The following CDYL variants were observed in gnomAD, a reference collection of about 807,000 sequenced individuals.
CDYL encodes chromodomain Y like.
In CDYL, 8 loss-of-function variants were observed where a neutral mutation model predicts 47.3. The ratio of observed to expected loss-of-function variants is 0.17; its 90% CI spans 0.10 to 0.31. The LOEUF (loss-of-function observed/expected upper bound fraction) is 0.31. Among genes scored for constraint, CDYL ranks in the 10% least tolerant of loss-of-function variants. The pLI is 1.00. For missense variants in CDYL, 471 were observed against 701.4 expected, an observed-to-expected ratio of 0.67 and a Z score of 3.71; for synonymous variants, 266 against 265.0, an observed-to-expected ratio of 1.00 and a Z score of -0.04.
chr6:4,773,109 T>C (rs148548907), upstream of CDYL: 474 of 457,370 alleles, frequency 1.0e-3, 3 homozygotes, highest in African/African-American at 8.4e-3. This position sits in a 1 kb window ranked among gnomAD's most constrained non-coding sequence, Gnocchi z 4.6. Flanking sequence ...TTGCCATCGA[T>C]GATCAATTGT....
rs1179836787 is a variant in CDYL at position 4,955,477 on chromosome 6, T to A, written c.*1421T>A. ...AACTATATATAAACTGTACAATCTG[T>A]AAAGTTTTTATAGAATAAATATTCA... On this transcript the variant is annotated 3_prime_UTR_variant, in exon 7 of 7. Coordinates refer to ENST00000397588, the MANE Select transcript of CDYL (RefSeq NM_004824.4). 1 of 152,692 alleles carries A rather than the reference T, an allele frequency of 6.5e-6. No homozygotes were observed. Among genetic ancestry groups the A allele is most frequent in the Non-Finnish European group, 1.5e-5 (1 of 68,052 alleles). The allele number at this position is 152,692 out of a possible 1,614,324, so 9.5% of individuals were successfully genotyped here. A position where few individuals can be genotyped will look rare whatever the true frequency, so the allele number is the denominator to read the frequency against.
intron 3 of CDYL, among the ~76,000 whole-genome samples, chr6:4,752,912 A>ATGTAGGTAGGTAGG (rs1561836823): frequency 3.3e-5 from 5 of 149,546 alleles, no homozygotes; most frequent in East Asian, 1.9e-4. Flanking sequence ...AGGTAGGTAG[A>ATGTAGGTAGGTAGG]TAGATAGATA....
intron 1 of CDYL, among the ~76,000 whole-genome samples, chr6:4,708,968 C>CAA (rs1161454911): frequency 1.3e-5 from 2 of 152,014 alleles, no homozygotes; most frequent in Non-Finnish European, 2.9e-5. Context: ...GATCATGTCA[C>CAA]TGCACTCCAG....
chr6:4,836,864 T>A (rs7771142), intron 1 of CDYL, among the ~76,000 whole-genome samples: 7,346 of 152,164 alleles, frequency 0.048, 579 homozygotes, highest in African/African-American at 0.17. Context: ...TTGCGCCTGG[T>A]TACAGAATTG....
intron 1 of CDYL, among the ~76,000 whole-genome samples, chr6:4,842,773 A>G (rs1293422874): frequency 6.6e-6 from 1 of 152,118 alleles, no homozygotes; most frequent in Admixed American, 6.6e-5. Flanking sequence ...GCTAGGTATT[A>G]TTCTATTCAT....
At chr6:4,947,359 G>C (rs1209504177) in intron 5 of CDYL, among the ~76,000 whole-genome samples, 1 of 152,090 alleles carries the variant, frequency 6.6e-6, no homozygotes, top group Non-Finnish European at 1.5e-5. Flanking sequence ...CAAGTTCTAG[G>C]GTACCTCCCC....
chr6:4,878,306 AT>A (rs919652066), intron 1 of CDYL, among the ~76,000 whole-genome samples: 4 of 151,532 alleles, frequency 2.6e-5, no homozygotes, highest in Admixed American at 6.6e-5. Flanking sequence ...TAAAATTGGT[AT>A]TTTTTTTCCT....
At position 4,890,262 on chromosome 6, in the gene CDYL, T is replaced by A. The variant is rs1033784856; in HGVS notation, c.25-1451T>A. The A allele has an allele frequency of 5.0e-5, 31 of 620,524 alleles. No homozygotes were observed. In the Admixed American group the frequency reaches 8.8e-4, roughly 18 times the overall value. 38.4% of individuals were successfully genotyped at this position (620,524 alleles called of 1,614,324 possible). A position where few individuals can be genotyped will look rare whatever the true frequency, so the allele number is the denominator to read the frequency against. Reference sequence around the variant, plus strand: ...CTATGTGGACTTTTCCAGAAATATGTCTTTTACTTAAATTGAAATACACCC... The same window carrying A: ...CTATGTGGACTTTTCCAGAAATATGACTTTTACTTAAATTGAAATACACCC... On this transcript the variant is annotated intron_variant, in intron 1 of 6. Transcript: ENST00000397588.
chr6:4,749,797 A>G (rs1291815429), intron 3 of CDYL, among the ~76,000 whole-genome samples: 1 of 152,252 alleles, frequency 6.6e-6, no homozygotes, highest in Non-Finnish European at 1.5e-5. Context: ...TCTTGCAGAT[A>G]AGCTGTAAGT....
At chr6:4,897,998 C>G (rs1762336511) in intron 2 of CDYL, among the ~76,000 whole-genome samples, 1 of 151,606 alleles carries the variant, frequency 6.6e-6, no homozygotes, top group Admixed American at 6.6e-5. Flanking sequence ...CAAGAGGTTG[C>G]TGTGAGCCGA....
Position 4,952,427 on chromosome 6 carries a change from T to C in CDYL, c.1476+18T>C, listed in dbSNP as rs765184857. ...ATCCAGTTGTATGTCTAATTGCTTCTGTTACACGTTACTTTTTAAAAAATA... is the reference window on the plus strand; with the variant it reads ...ATCCAGTTGTATGTCTAATTGCTTCCGTTACACGTTACTTTTTAAAAAATA... On this transcript the variant is annotated intron_variant, in intron 6 of 6. Coordinates refer to ENST00000397588, the MANE Select transcript of CDYL (RefSeq NM_004824.4). 1 of 1,588,196 alleles carries C rather than the reference T, an allele frequency of 6.3e-7. No homozygotes were observed. The highest frequency in any genetic ancestry group is 1.1e-5 in the South Asian group (1 of 86,990).
intron 1 of CDYL, among the ~76,000 whole-genome samples, chr6:4,828,567 C>T (rs1316934517): frequency 6.6e-6 from 1 of 152,026 alleles, no homozygotes; most frequent in East Asian, 1.9e-4. Flanking sequence ...CTTTTGCTTC[C>T]AATAGTTTGA....
chr6:4,706,747 C>T (rs933043467), intron 1 of CDYL, among the ~76,000 whole-genome samples: 1 of 152,114 alleles, frequency 6.6e-6, no homozygotes, highest in South Asian at 2.1e-4. Context: ...CGAGATGGCA[C>T]CACTGCACTC....
intron 5 of CDYL, among the ~76,000 whole-genome samples, chr6:4,945,512 C>T (rs1322360759): frequency 6.6e-6 from 1 of 152,200 alleles, no homozygotes; most frequent in Non-Finnish European, 1.5e-5. Context: ...TGCTAAAACA[C>T]TCACCCCCAA....
chr6:4,752,684 A>C (rs974453261), intron 3 of CDYL, among the ~76,000 whole-genome samples: 7 of 152,186 alleles, frequency 4.6e-5, no homozygotes, highest in African/African-American at 1.7e-4. Flanking sequence ...ATTAGCCCTC[A>C]AAGATATTTT....
chr6:4,766,890 A>C (rs925255924), intron 3 of CDYL, among the ~76,000 whole-genome samples: 1 of 152,002 alleles, frequency 6.6e-6, no homozygotes. Context: ...AGTCTCAGCT[A>C]CTTGGGGGGA....
intron 1 of CDYL, among the ~76,000 whole-genome samples, chr6:4,715,395 G>GC (rs1373655093): frequency 6.6e-6 from 1 of 152,176 alleles, no homozygotes; most frequent in Non-Finnish European, 1.5e-5. Flanking sequence ...GCAAATGATA[G>GC]CCTTCCAACC....
chr6:4,940,830 A>G (rs1189413615), intron 4 of CDYL, among the ~76,000 whole-genome samples: 1 of 152,242 alleles, frequency 6.6e-6, no homozygotes, highest in Non-Finnish European at 1.5e-5. Context: ...GTGAGCCAGT[A>G]AACATGCCCC....
At chr6:4,803,690 G>T (rs1044654391) in intron 1 of CDYL, among the ~76,000 whole-genome samples, 3 of 151,176 alleles carry the variant, frequency 2.0e-5, no homozygotes, top group African/African-American at 7.3e-5. Context: ...TCAGCACGTG[G>T]CCTCGGGATA....
Sources: gnomAD v4.1 joint callset for allele counts (sites outside exome capture counted in the v4.1 genomes callset) on GRCh38, gnomAD v4.1.1 for gene constraint, Gnocchi (gnomAD v3.1) non-coding constraint, MANE v1.5 for transcripts, NCBI Gene and HGNC (gene_info 2026-07-23, HGNC 2026-07-21) for gene names.